Variants in SREK1IP1 observed in about 807,000 individuals in gnomAD.
The protein encoded by SREK1IP1 is SREK1 interacting protein 1, also known as protein SREK1IP1.
In SREK1IP1, 12 loss-of-function variants were observed where a neutral mutation model predicts 22.8. The observed-to-expected ratio is 0.53, with a 90% CI of 0.34 to 0.85. The LOEUF is 0.85. Among genes scored for constraint, SREK1IP1 ranks in the 40% least tolerant of loss-of-function variants. The pLI, the probability that SREK1IP1 is intolerant of heterozygous loss-of-function variation, is 0.02. For missense variants in SREK1IP1, 147 were observed against 171.8 expected (o/e 0.86, Z 0.81); for synonymous variants, 53 against 52.7 (o/e 1.01, Z -0.02).
In SREK1IP1 at chr5:64,721,139, T is replaced by G. The variant is rs1182494260; in HGVS notation, c.*3245A>C. 6.6e-6 allele frequency: 1 copy of G among 152,216 alleles called. No homozygotes were observed. Among genetic ancestry groups the G allele is most frequent in the Non-Finnish European group, 1.5e-5 (1 of 68,050 alleles). The allele number at this position is 152,216 out of a possible 1,614,324, so 9.4% of individuals were successfully genotyped here. A position where few individuals can be genotyped will look rare whatever the true frequency, so the allele number is the denominator to read the frequency against. Reference sequence around the variant, plus strand: ...CTCTTCTAATTTATCCAGACTACTTTAGGTAACCCCGAGTTTCTATAAACT... The same window carrying G: ...CTCTTCTAATTTATCCAGACTACTTGAGGTAACCCCGAGTTTCTATAAACT... On this transcript the variant is annotated 3_prime_UTR_variant, in exon 5 of 5. Coordinates refer to ENST00000513458, the MANE Select transcript of SREK1IP1 (RefSeq NM_173829.4).
chr5:64,731,521 C>CAAA (rs10599290), intron 3 of SREK1IP1, among the ~76,000 whole-genome samples: 3 of 74,684 alleles, frequency 4.0e-5, no homozygotes, highest in East Asian at 4.3e-4. Context: ...GCCCTTGTCT[C>CAAA]AAAAAAAAAA....
At chr5:64,748,041 G>A (rs529143972) in intron 2 of SREK1IP1, among the ~76,000 whole-genome samples, 3 of 152,236 alleles carry the variant, frequency 2.0e-5, no homozygotes, top group East Asian at 1.9e-4. Flanking sequence ...ACAGATACTC[G>A]TACATCAACA....
intron 2 of SREK1IP1, among the ~76,000 whole-genome samples, chr5:64,747,117 T>G (rs555145884): frequency 6.6e-6 from 1 of 152,352 alleles, no homozygotes; most frequent in East Asian, 1.9e-4. Flanking sequence ...CACTTCTGTG[T>G]GTTCACAAAC....
chr5:64,768,316 G>A (rs1743097150), intron 1 of SREK1IP1, among the ~76,000 whole-genome samples, 189 bp downstream of exon 1: 1 of 152,186 alleles, frequency 6.6e-6, no homozygotes, highest in African/African-American at 2.4e-5. Context: ...GGGGAAGATA[G>A]TTATTTTCTT....
chr5:64,747,665 A>G (rs1437699010), intron 2 of SREK1IP1, among the ~76,000 whole-genome samples: 1 of 152,144 alleles, frequency 6.6e-6, no homozygotes, highest in African/African-American at 2.4e-5. Flanking sequence ...GCGGTGGCTC[A>G]CGCCTGTAAT....
chr5:64,765,551 G>T (rs576631155), intron 1 of SREK1IP1, among the ~76,000 whole-genome samples: 1 of 152,038 alleles, frequency 6.6e-6, no homozygotes, highest in Non-Finnish European at 1.5e-5. Context: ...ATTATCTTAC[G>T]ATTTTCTGTA....
intron 4 of SREK1IP1, among the ~76,000 whole-genome samples, chr5:64,726,767 C>G (rs1742274493): frequency 6.6e-6 from 1 of 152,082 alleles, no homozygotes; most frequent in African/African-American, 2.4e-5. Context: ...TCATCTAACA[C>G]AAAGCCTATT....
rs1743109995 is a variant in SREK1IP1 at position 64,768,527 on chromosome 5, AAG to A, written c.-12_-11del. On this transcript the variant is annotated 5_prime_UTR_variant, in exon 1 of 5. Transcript: ENST00000513458. ...TACCTGGGACTGCCATGACGGTGGT[AAG>A]AGGGGTAACTCGAGCCTCTGGCTTT... is the stretch of plus-strand genomic sequence containing the variant. 6.2e-7 allele frequency: 1 copy of A among 1,614,022 alleles called. No homozygotes were observed. The highest frequency in any genetic ancestry group is 8.5e-7 in the Non-Finnish European group (1 of 1,180,034).
intron 1 of SREK1IP1, among the ~76,000 whole-genome samples, chr5:64,759,084 G>A (rs2161576): frequency 0.32 from 49,050 of 152,016 alleles, 8,253 homozygotes; most frequent in East Asian, 0.51. Context: ...CAGTTTCCAG[G>A]GGCACTGATG....
intron 4 of SREK1IP1, chr5:64,727,551 A>ATTTTTTT (rs1298889800): frequency 1.0e-5 from 1 of 98,584 alleles, no homozygotes; most frequent in African/African-American, 5.5e-5. Context: ...ATATATATAT[A>ATTTTTTT]TATTTTTTTT....
At chr5:64,757,848 A>G (rs1742869737) in intron 1 of SREK1IP1, among the ~76,000 whole-genome samples, 1 of 127,970 alleles carries the variant, frequency 7.8e-6, no homozygotes, top group Admixed American at 8.0e-5. Context: ...TACTGTTTCT[A>G]TTAGGTTCCT....
intron 3 of SREK1IP1, among the ~76,000 whole-genome samples, chr5:64,735,388 T>C (rs1742445312): frequency 6.6e-6 from 1 of 152,084 alleles, no homozygotes; most frequent in Non-Finnish European, 1.5e-5. Flanking sequence ...ATGCTGGTCT[T>C]ATAAATTGAG....
chr5:64,763,486 G>A (rs751542819), intron 1 of SREK1IP1, among the ~76,000 whole-genome samples: 1 of 151,820 alleles, frequency 6.6e-6, no homozygotes, highest in Admixed American at 6.6e-5. Flanking sequence ...GCAGTGAGCC[G>A]AGACAGTGCC....
intron 1 of SREK1IP1, among the ~76,000 whole-genome samples, chr5:64,766,739 T>C (rs182022301): frequency 1.9e-3 from 285 of 152,366 alleles, no homozygotes; most frequent in Non-Finnish European, 3.4e-3. Context: ...GACTGACTTC[T>C]TGCTTTCCAG....
intron 1 of SREK1IP1, among the ~76,000 whole-genome samples, chr5:64,759,527 G>A (rs989684039): frequency 5.3e-5 from 8 of 151,926 alleles, no homozygotes; most frequent in Non-Finnish European, 1.2e-4. Flanking sequence ...TTTGACATTG[G>A]AAAAAAACTG....
At chr5:64,734,127 A>C (rs1287139276) in intron 3 of SREK1IP1, among the ~76,000 whole-genome samples, 1 of 152,094 alleles carries the variant, frequency 6.6e-6, no homozygotes, top group South Asian at 2.1e-4. Context: ...GTAAGGGACA[A>C]AAGGGTCTCT....
chr5:64,761,779 C>T lies in SREK1IP1; in HGVS notation c.13+6726G>A, dbSNP rs185130190. Among the ~76,000 whole-genome samples, 11 of 152,342 alleles carry T rather than the reference C, an allele frequency of 7.2e-5. No homozygotes were observed. The East Asian group carries it at 1.7e-3, about 24-fold the overall frequency. On this transcript the variant is annotated intron_variant, in intron 1 of 4. Coordinates refer to ENST00000513458, the MANE Select transcript of SREK1IP1 (RefSeq NM_173829.4). Reference sequence around the variant, plus strand: ...TAAGAAATACGCGTGTGCGTATACACACACACTCAATTTATTTGTCAAAAT... The same window carrying T: ...TAAGAAATACGCGTGTGCGTATACATACACACTCAATTTATTTGTCAAAAT...
At chr5:64,740,910 T>A in intron 3 of SREK1IP1, 147 bp downstream of exon 3, 2 of 696,680 alleles carry the variant, frequency 2.9e-6, no homozygotes, top group Non-Finnish European at 4.5e-6. Flanking sequence ...CTTAGGCAAA[T>A]AACTTACAAT....
At chr5:64,727,353 T>C (rs1359257045) in intron 4 of SREK1IP1, among the ~76,000 whole-genome samples, 7 of 140,406 alleles carry the variant, frequency 5.0e-5, no homozygotes, top group Admixed American at 4.1e-4. Flanking sequence ...CCAGTTAGTT[T>C]TTAAAAGAGT....
Sources: allele counts gnomAD v4.1 joint callset (sites outside exome capture counted in the v4.1 genomes callset), GRCh38; gene constraint gnomAD v4.1.1; transcripts MANE v1.5; gene names NCBI Gene and HGNC (gene_info 2026-07-23, HGNC 2026-07-21).